The following HDAC9 variants were observed in gnomAD, a reference collection of about 807,000 sequenced individuals.
HDAC9 encodes MEF-2 interacting transcription repressor (MITR) protein.
Under a neutral mutation model 139.4 loss-of-function variants are expected in HDAC9, and 41 were observed. The ratio of observed to expected loss-of-function variants is 0.29; its 90% CI spans 0.23 to 0.38. HDAC9 has a LOEUF of 0.38. HDAC9 is among the 10% of genes least tolerant of loss of function. The pLI is 1.00. For missense variants in HDAC9, 1,147 were observed against 1,297.0 expected (o/e 0.88, Z 1.78); for synonymous variants, 517 against 476.2 (o/e 1.09, Z -1.12).
intron 24 of HDAC9, among the ~76,000 whole-genome samples, chr7:18,972,815 C>A (rs1784330410): frequency 6.6e-6 from 1 of 152,176 alleles, no homozygotes; most frequent in Non-Finnish European, 1.5e-5. Context: ...GAACTAGTTT[C>A]AACATGATTG....
At chr7:18,511,725 A>G (rs1384921782) in intron 2 of HDAC9, among the ~76,000 whole-genome samples, 2 of 152,238 alleles carry the variant, frequency 1.3e-5, no homozygotes, top group African/African-American at 4.8e-5. Context: ...AACAGGTAAC[A>G]GAGATTATCT....
intron 6 of HDAC9, among the ~76,000 whole-genome samples, chr7:18,610,641 C>T (rs920757075): frequency 3.3e-5 from 5 of 152,180 alleles, no homozygotes; most frequent in Non-Finnish European, 7.3e-5. Flanking sequence ...GATGTATAAA[C>T]TTTTCTGTTT....
rs1242005996 is a variant in HDAC9 at position 18,353,288 on chromosome 7, A to G, written c.-42+62773A>G. ...TTGGGATTTTTTTTTTTCCTCTGCA[A>G]GCTGTTTGAGAGCTTTCAGCAGGGG... On this transcript the variant is annotated intron_variant, in intron 1 of 3. Coordinates refer to the HDAC9 transcript ENST00000413509. Among the ~76,000 whole-genome samples, 4 of 151,964 alleles carry G rather than the reference A, an allele frequency of 2.6e-5. No individual in the cohort carries two copies. The East Asian group carries it at 7.7e-4, about 29-fold the overall frequency.
chr7:18,519,370 G>A (rs1212354544), intron 2 of HDAC9, among the ~76,000 whole-genome samples: 1 of 152,084 alleles, frequency 6.6e-6, no homozygotes, highest in African/African-American at 2.4e-5. Context: ...TATATTAAAT[G>A]CTCAAGAGGT....
At chr7:18,255,476 C>A (rs1399693181) in intron 2 of HDAC9, among the ~76,000 whole-genome samples, 1 of 151,974 alleles carries the variant, frequency 6.6e-6, no homozygotes, top group East Asian at 1.9e-4. Flanking sequence ...TTTGATTTGC[C>A]TGGAGAATTA....
chr7:18,503,236 G>A (rs914583674), intron 2 of HDAC9, among the ~76,000 whole-genome samples: 41 of 152,316 alleles, frequency 2.7e-4, no homozygotes, highest in African/African-American at 9.9e-4. Context: ...GCTGAAGTGA[G>A]TGGTTAGCTT....
intron 12 of HDAC9, among the ~76,000 whole-genome samples, chr7:18,712,353 A>G (rs924190331): frequency 6.6e-6 from 1 of 152,166 alleles, no homozygotes; most frequent in Non-Finnish European, 1.5e-5. Context: ...GATGGGCTCT[A>G]GCATGTGGGA....
At chr7:18,281,674 G>A (rs1377497739) in intron 2 of HDAC9, among the ~76,000 whole-genome samples, 1 of 152,190 alleles carries the variant, frequency 6.6e-6, no homozygotes, top group African/African-American at 2.4e-5. Flanking sequence ...TTGTGCAGAA[G>A]TCTGTATTTT....
Position 18,143,792 on chromosome 7 carries a change from C to CAAAAAAA in HDAC9, c.-96-18429_-96-18423dup, listed in dbSNP as rs71014311. On this transcript the variant is annotated intron_variant, in intron 1 of 12. Transcript: ENST00000417496. The stretch of plus-strand genomic sequence containing the variant: ...TGGGTGACAGAGCGAGACTCCATCT[C>CAAAAAAA]AAAAAAAAAAAAAAGAGTGTCTCTT... 6.6e-4 allele frequency among the ~76,000 whole-genome samples: 81 copies of CAAAAAAA among 122,584 alleles called. 1 individual carries two copies. The highest frequency in any genetic ancestry group is 2.6e-3 in the African/African-American group (81 of 30,922). The allele number at this position is 122,584 out of a possible 152,430, so 80.4% of individuals were successfully genotyped here. A position where few individuals can be genotyped will look rare whatever the true frequency, so the allele number is the denominator to read the frequency against.
chr7:18,274,884 A>T (rs1316838032), intron 2 of HDAC9, among the ~76,000 whole-genome samples: 1 of 152,226 alleles, frequency 6.6e-6, no homozygotes, highest in Non-Finnish European at 1.5e-5. Flanking sequence ...ATAAATTCAG[A>T]ATTTCAGAAC....
chr7:18,874,407 C>T (rs939027651), intron 21 of HDAC9, 71 bp from the exon 22 acceptor site: 2 of 841,306 alleles, frequency 2.4e-6, no homozygotes, highest in Non-Finnish European at 3.9e-6. Context: ...TGTGCCAGGT[C>T]GTTTTCACTG....
intron 1 of HDAC9, among the ~76,000 whole-genome samples, chr7:18,352,167 C>T (rs1313843144): frequency 2.0e-5 from 3 of 152,178 alleles, no homozygotes; most frequent in Admixed American, 2.0e-4. Context: ...TGAGGATCCT[C>T]AGGTTTCTTA....
At chr7:18,969,227 C>G (rs572559263) in intron 24 of HDAC9, among the ~76,000 whole-genome samples, 12 of 152,146 alleles carry the variant, frequency 7.9e-5, no homozygotes, top group Middle Eastern at 3.4e-3. Flanking sequence ...GTTCACAGAA[C>G]TGGGAATAGT....
At chr7:18,720,652 C>T (rs1367281815) in intron 12 of HDAC9, among the ~76,000 whole-genome samples, 2 of 149,924 alleles carry the variant, frequency 1.3e-5, no homozygotes, top group East Asian at 1.9e-4. Context: ...TGTTACCAAA[C>T]GTATTTTTAT....
intron 1 of HDAC9, among the ~76,000 whole-genome samples, chr7:18,377,630 T>C (rs1213297485): frequency 6.6e-6 from 1 of 152,208 alleles, no homozygotes; most frequent in Non-Finnish European, 1.5e-5. Context: ...GTGTTTAATA[T>C]GATTTGAAAT....
chr7:18,839,756 A>T (rs1191499721), intron 21 of HDAC9, among the ~76,000 whole-genome samples: 1 of 152,056 alleles, frequency 6.6e-6, no homozygotes, highest in East Asian at 1.9e-4. Flanking sequence ...CTGCTAAGGA[A>T]TCTCTGTTTC....
chr7:18,828,452 G>A (rs560371801), intron 17 of HDAC9, among the ~76,000 whole-genome samples: 6 of 152,138 alleles, frequency 3.9e-5, no homozygotes, highest in Non-Finnish European at 4.4e-5. Context: ...CTAATCTGGA[G>A]GTTAAGGCAT....
Position 18,835,885 on chromosome 7 carries a change from T to A in HDAC9, c.2587-15T>A. 1.3e-6 allele frequency: 2 copies of A among 1,520,272 alleles called. No homozygotes were observed. The highest frequency in any genetic ancestry group is 1.8e-6 in the Non-Finnish European group (2 of 1,119,676). 94.2% of individuals were successfully genotyped at this position (1,520,272 alleles called of 1,614,324 possible). ...TCTCTTCTCTGCCCACCGTGGTGTG[T>A]CTTTCTCTTCCCAGGTTGGAACAGG... On this transcript the variant is annotated splice_polypyrimidine_tract_variant and intron_variant, in intron 20 of 25. Transcript: ENST00000686413.
chr7:18,223,969 A>G (rs1161586516), intron 2 of HDAC9, among the ~76,000 whole-genome samples: 2 of 152,184 alleles, frequency 1.3e-5, no homozygotes, highest in Non-Finnish European at 2.9e-5. Context: ...TAATTGCACA[A>G]TTATCGTCAT....
Sources: gnomAD v4.1 joint callset for allele counts (sites outside exome capture counted in the v4.1 genomes callset) on GRCh38, gnomAD v4.1.1 for gene constraint, MANE v1.5 for transcripts, NCBI Gene and HGNC (gene_info 2026-07-23, HGNC 2026-07-21) for gene names.